Variants in NUBPL observed in about 807,000 individuals in gnomAD.
The protein encoded by NUBPL is NUBP iron-sulfur cluster assembly factor, mitochondrial.
Under a neutral mutation model 45.7 loss-of-function variants are expected in NUBPL, and 31 were observed. The ratio of observed to expected loss-of-function variants is 0.68; its 90% CI spans 0.51 to 0.92. The LOEUF is 0.92. Among genes scored for constraint, NUBPL ranks in the 40% least tolerant of loss-of-function variants. NUBPL has a pLI of 0.00. For missense variants in NUBPL, 401 were observed against 398.7 expected, an observed-to-expected ratio of 1.01 and a Z score of -0.05; for synonymous variants, 144 against 140.9, an observed-to-expected ratio of 1.02 and a Z score of -0.15.
At chr14:31,768,099 C>A (rs773463903) in intron 6 of NUBPL, among the ~76,000 whole-genome samples, 2 of 152,314 alleles carry the variant, frequency 1.3e-5, no homozygotes, top group Admixed American at 6.5e-5. Flanking sequence ...TTGCCCTAAG[C>A]AGTTGTTGGC....
intron 8 of NUBPL, among the ~76,000 whole-genome samples, chr14:31,828,865 C>A (rs2040145572): frequency 6.6e-6 from 1 of 152,090 alleles, no homozygotes; most frequent in African/African-American, 2.4e-5. Context: ...CCTTATGGAA[C>A]ATAACAGAGA....
At chr14:31,810,532 C>T (rs534469851) in intron 7 of NUBPL, among the ~76,000 whole-genome samples, 191 of 152,282 alleles carry the variant, frequency 1.3e-3, no homozygotes, top group Non-Finnish European at 2.4e-3. Context: ...AGATGGGTCT[C>T]CTGAATACAG....
At chr14:31,706,868 T>G (rs1160705607) in intron 6 of NUBPL, among the ~76,000 whole-genome samples, 1 of 152,248 alleles carries the variant, frequency 6.6e-6, no homozygotes, top group Non-Finnish European at 1.5e-5. Flanking sequence ...ATTTTAGTTT[T>G]TCTTTGCTGT....
At chr14:31,691,363 G>T (rs2037089728) in intron 6 of NUBPL, among the ~76,000 whole-genome samples, 2 of 152,144 alleles carry the variant, frequency 1.3e-5, no homozygotes, top group Non-Finnish European at 2.9e-5. Flanking sequence ...AAAATATGTG[G>T]TAATGACTGA....
intron 10 of NUBPL, among the ~76,000 whole-genome samples, chr14:31,854,799 A>T (rs2040591530): frequency 6.6e-6 from 1 of 152,222 alleles, no homozygotes; most frequent in African/African-American, 2.4e-5. Context: ...ATATCATTAC[A>T]CACCACAGAT....
chr14:31,754,049 A>G (rs2038593419), intron 6 of NUBPL, among the ~76,000 whole-genome samples: 1 of 152,202 alleles, frequency 6.6e-6, no homozygotes, highest in Admixed American at 6.5e-5. Context: ...GTCTGCATAT[A>G]TTAAAACAGC....
At chr14:31,689,089 T>A (rs540672532) in intron 6 of NUBPL, among the ~76,000 whole-genome samples, 18 of 152,276 alleles carry the variant, frequency 1.2e-4, no homozygotes, top group African/African-American at 4.1e-4. Context: ...TTAGGTTGAT[T>A]CCGTGCCTTT....
At chr14:31,716,864 C>T (rs2037700641) in intron 6 of NUBPL, among the ~76,000 whole-genome samples, 1 of 152,098 alleles carries the variant, frequency 6.6e-6, no homozygotes, top group Non-Finnish European at 1.5e-5. Context: ...TGAGTGTCAC[C>T]CTTGACTCAT....
At chr14:31,827,684 G>C (rs1466594996) in intron 8 of NUBPL, among the ~76,000 whole-genome samples, 1 of 152,134 alleles carries the variant, frequency 6.6e-6, no homozygotes, top group Non-Finnish European at 1.5e-5. Context: ...AGCTTCAGGA[G>C]TCTCATGTTT....
intron 4 of NUBPL, among the ~76,000 whole-genome samples, chr14:31,647,871 T>C (rs1413930058): frequency 6.6e-6 from 1 of 152,218 alleles, no homozygotes; most frequent in Non-Finnish European, 1.5e-5. Context: ...TGTGGACTGT[T>C]TTCTTGGCCT....
intron 4 of NUBPL, among the ~76,000 whole-genome samples, chr14:31,653,457 A>G (rs2036062108): frequency 6.6e-6 from 1 of 152,200 alleles, no homozygotes; most frequent in African/African-American, 2.4e-5. Context: ...TTGCTAGGAA[A>G]AGAATTTAGC....
intron 6 of NUBPL, among the ~76,000 whole-genome samples, chr14:31,785,688 T>G (rs774539113): frequency 8.5e-5 from 13 of 152,188 alleles, no homozygotes; most frequent in Non-Finnish European, 1.6e-4. Context: ...GCATGTCTCC[T>G]TCACTAAATT....
intron 7 of NUBPL, among the ~76,000 whole-genome samples, chr14:31,823,609 A>C (rs762695364): frequency 6.6e-6 from 1 of 152,116 alleles, no homozygotes; most frequent in Non-Finnish European, 1.5e-5. Flanking sequence ...TCTAAAAGCT[A>C]TTTATAGTTA....
chr14:31,784,349 G>C (rs745617461), intron 6 of NUBPL, among the ~76,000 whole-genome samples: 1 of 152,052 alleles, frequency 6.6e-6, no homozygotes, highest in Admixed American at 6.6e-5. Context: ...CAATGTGATA[G>C]TCATGAAGTC....
chr14:31,798,846 T>C (rs1413587654), intron 7 of NUBPL, among the ~76,000 whole-genome samples: 1 of 151,428 alleles, frequency 6.6e-6, no homozygotes, highest in Non-Finnish European at 1.5e-5. Flanking sequence ...TGAAGTGTTG[T>C]TTAGTAAGGT....
chr14:31,760,187 G>GTGTCACT (rs1042302600), intron 6 of NUBPL, among the ~76,000 whole-genome samples: 1 of 148,318 alleles, frequency 6.7e-6, no homozygotes, highest in Non-Finnish European at 1.5e-5. Flanking sequence ...GAGAGACAGG[G>GTGTCACT]TGTCACTTTG....
chr14:31,745,044 T>TTTTTA (rs138415624), intron 6 of NUBPL, among the ~76,000 whole-genome samples: 24,181 of 150,516 alleles, frequency 0.16, 5,478 homozygotes, highest in African/African-American at 0.51. Context: ...TTATTTCTTT[T>TTTTTA]TTTTTATTTT....
intron 2 of NUBPL, among the ~76,000 whole-genome samples, chr14:31,562,557 T>C (rs1240774593): frequency 1.3e-5 from 2 of 151,766 alleles, no homozygotes; most frequent in South Asian, 2.1e-4. Context: ...TAGTGTTCAA[T>C]AATTGGTTGC....
chr14:31,703,738 A>T (rs918341376), intron 6 of NUBPL, among the ~76,000 whole-genome samples: 4 of 152,214 alleles, frequency 2.6e-5, no homozygotes, highest in Non-Finnish European at 5.9e-5. Flanking sequence ...GGGAGCTACA[A>T]GATGAGATTT....
Sources: allele counts gnomAD v4.1 joint callset (sites outside exome capture counted in the v4.1 genomes callset), GRCh38; gene constraint gnomAD v4.1.1; transcripts MANE v1.5; gene names NCBI Gene and HGNC (gene_info 2026-07-23, HGNC 2026-07-21).